The following INTS9 variants were observed in gnomAD, a reference collection of about 807,000 sequenced individuals.
INTS9 encodes the protein protein related to CPSF subunits of 74 kDa.
A neutral mutation model predicts 79.7 loss-of-function variants in INTS9; 55 were observed. That is an observed-to-expected ratio of 0.69 (90% CI 0.56 to 0.86). INTS9 has a LOEUF of 0.86. Among genes scored for constraint, INTS9 ranks in the 40% least tolerant of loss-of-function variants. The pLI is 0.00. For synonymous variants in INTS9, 319 were observed against 325.2 expected (o/e 0.98, Z 0.20); for missense variants, 721 against 831.5 (o/e 0.87, Z 1.64).
intron 1 of INTS9, among the ~76,000 whole-genome samples, chr8:28,870,077 A>T (rs867311541): frequency 6.6e-6 from 1 of 152,272 alleles, no homozygotes; most frequent in South Asian, 2.1e-4. Context: ...ATGTTTGGCT[A>T]TCTGGAACCA....
At chr8:28,776,771 G>C (rs182675306) in intron 13 of INTS9, among the ~76,000 whole-genome samples, 1 of 152,252 alleles carries the variant, frequency 6.6e-6, no homozygotes, top group African/African-American at 2.4e-5. Flanking sequence ...GCTTCTCCCA[G>C]GTTTTCCTCA....
intron 8 of INTS9, among the ~76,000 whole-genome samples, chr8:28,801,507 A>G (rs1285523545): frequency 8.8e-5 from 1 of 11,312 alleles, no homozygotes; most frequent in Non-Finnish European, 2.6e-4. Context: ...ACAAACAAAC[A>G]AAAAAACAAA....
At chr8:28,889,093 G>A (rs77237693) in intron 1 of INTS9, among the ~76,000 whole-genome samples, 3,522 of 152,114 alleles carry the variant, frequency 0.023, 128 homozygotes, top group African/African-American at 0.081. Flanking sequence ...TTTCACACCT[G>A]CCTTTCTACA....
At chr8:28,768,453 AT>A in intron 16 of INTS9, 131 bp from the exon 17 acceptor site, 2 of 825,222 alleles carry the variant, frequency 2.4e-6, no homozygotes, top group Non-Finnish European at 4.1e-6. Context: ...CAGACTAGTC[AT>A]AGGCCTATGA....
At chr8:28,868,970 G>A (rs941939182) in intron 1 of INTS9, among the ~76,000 whole-genome samples, 3 of 151,952 alleles carry the variant, frequency 2.0e-5, no homozygotes, top group East Asian at 1.9e-4. Flanking sequence ...GTGGTGGCAC[G>A]TACCTTTAAT....
At chr8:28,839,635 C>T (rs1053064090) in intron 4 of INTS9, among the ~76,000 whole-genome samples, 10 of 151,948 alleles carry the variant, frequency 6.6e-5, no homozygotes, top group East Asian at 3.9e-4. Flanking sequence ...GAAATAACGC[C>T]GCATATCTAT....
intron 6 of INTS9, among the ~76,000 whole-genome samples, chr8:28,826,805 G>T (rs1037656861): frequency 6.6e-6 from 1 of 152,154 alleles, no homozygotes; most frequent in Admixed American, 6.5e-5. Context: ...CAAGCTCCTT[G>T]AGTAGAGCGA....
At chr8:28,773,305 T>C (rs974691942) in intron 14 of INTS9, among the ~76,000 whole-genome samples, 1 of 151,268 alleles carries the variant, frequency 6.6e-6, no homozygotes, top group African/African-American at 2.4e-5. Flanking sequence ...CTACTAAAAA[T>C]ACAAAAAAAT....
At chr8:28,839,579 G>C (rs995142763) in intron 4 of INTS9, among the ~76,000 whole-genome samples, 2 of 152,102 alleles carry the variant, frequency 1.3e-5, no homozygotes, top group Admixed American at 6.5e-5. Flanking sequence ...CATGGTACTG[G>C]TACCAAAACA....
chr8:28,799,345 C>T (rs1804397850), intron 8 of INTS9: 1 of 152,284 alleles, frequency 6.6e-6, no homozygotes, highest in African/African-American at 2.4e-5. Context: ...AACATTATCT[C>T]TGAACCTTGG....
intron 6 of INTS9, among the ~76,000 whole-genome samples, chr8:28,821,456 C>T (rs67885444): frequency 0.2 from 30,055 of 152,102 alleles, 3,285 homozygotes; most frequent in East Asian, 0.46. Context: ...GGGTCCCTCC[C>T]ACAACATGTG....
At chr8:28,879,673 C>G (rs566118702) in intron 1 of INTS9, among the ~76,000 whole-genome samples, 2 of 152,152 alleles carry the variant, frequency 1.3e-5, no homozygotes, top group Non-Finnish European at 2.9e-5. Flanking sequence ...AAATGTCCAT[C>G]ACCTGGTGCA....
At position 28,771,066 on chromosome 8, in the gene INTS9, C is replaced by T. The variant is rs371675579; in HGVS notation, c.1578G>A (p.Leu526=). 92 of 1,610,282 alleles carry T rather than the reference C, an allele frequency of 5.7e-5. No homozygotes were observed. The highest frequency in any genetic ancestry group is 6.7e-5 in the Non-Finnish European group (79 of 1,178,404). Residue 526 remains leucine, a synonymous_variant, in exon 15 of 17, where the codon CTG becomes CTA. Coordinates refer to ENST00000521022, the MANE Select transcript of INTS9 (RefSeq NM_018250.4). ...IEIMPELADS[L]VPMEIKPGIS... is the part of the protein sequence containing the mutation. Reference sequence around the variant, plus strand: ...TGCCAGGCTTGATCTCCATGGGCACCAGTGAATCTGCGAGCTGAAAGCAAA... The same window carrying T: ...TGCCAGGCTTGATCTCCATGGGCACTAGTGAATCTGCGAGCTGAAAGCAAA...
chr8:28,781,472 AT>A (rs1803262731), intron 11 of INTS9, among the ~76,000 whole-genome samples: 3 of 152,234 alleles, frequency 2.0e-5, no homozygotes, highest in African/African-American at 7.2e-5. Flanking sequence ...TTTGAAAGAT[AT>A]TTTGAAAAAT....
At chr8:28,835,175 G>A (rs1358470790) in intron 6 of INTS9, 117 bp downstream of exon 6, 6 of 677,930 alleles carry the variant, frequency 8.9e-6, no homozygotes, top group African/African-American at 7.3e-5. Flanking sequence ...TTAGGAAAAA[G>A]AGAATCTTTA....
rs764246352 is a variant in INTS9, at chr8:28,846,769, A to C, written c.239T>G (p.Val80Gly). 10 of 1,613,636 alleles carry C rather than the reference A, an allele frequency of 6.2e-6. No homozygotes were observed. The highest frequency in any genetic ancestry group is 7.6e-6 in the Non-Finnish European group (9 of 1,179,514). The change falls in exon 4 of 17, where the codon GTG becomes GGG. Residue 80 changes from valine to glycine, a missense_variant. By Grantham distance (109) the Val-to-Gly change is moderately radical. Around this residue, in one of 3 missense-constraint regions of INTS9, gnomAD observed 291 missense variants for 307.0 expected, o/e 0.95. Coordinates refer to ENST00000521022, the MANE Select transcript of INTS9 (RefSeq NM_018250.4). ...ECSGHVFVDSVPEFCLPETEL... is the reference protein window; with the variant it reads ...ECSGHVFVDSGPEFCLPETEL... ...TACCTCTGGTAAACAGAATTCCGGC[A>C]CAGAATCCACAAATACATGACCCGA... is the stretch of plus-strand genomic sequence containing the variant.
intron 2 of INTS9, among the ~76,000 whole-genome samples, chr8:28,858,680 A>G (rs999320581): frequency 5.3e-5 from 8 of 152,234 alleles, no homozygotes; most frequent in African/African-American, 1.4e-4. Flanking sequence ...CACTGTGAAT[A>G]ATCATTGTAC....
intron 1 of INTS9, among the ~76,000 whole-genome samples, chr8:28,881,446 C>G (rs1286818156): frequency 7.0e-6 from 1 of 142,054 alleles, no homozygotes; most frequent in Non-Finnish European, 1.5e-5. Flanking sequence ...CAGCCCCCCG[C>G]CCGGCCAGCC....
chr8:28,813,823 C>G, intron 6 of INTS9: 3 of 428,384 alleles, frequency 7.0e-6, no homozygotes, highest in Non-Finnish European at 1.2e-5. Flanking sequence ...TGCTATGGCG[C>G]CATCTCGGCT....
Sources: allele counts gnomAD v4.1 joint callset (sites outside exome capture counted in the v4.1 genomes callset), GRCh38; gene constraint gnomAD v4.1.1; regional missense constraint gnomAD v4.1.1; transcripts MANE v1.5; gene names NCBI Gene and HGNC (gene_info 2026-07-23, HGNC 2026-07-21).